Variants in MYRFL observed in about 807,000 individuals in gnomAD.
The protein encoded by MYRFL is myelin regulatory factor like.
MYRFL carries 88 observed loss-of-function variants against 109.4 expected under a neutral mutation model. The ratio of observed to expected loss-of-function variants is 0.80; its 90% CI spans 0.68 to 0.96. The LOEUF is 0.96. Among genes scored for constraint, MYRFL ranks in the 40% least tolerant of loss-of-function variants. The probability of loss-of-function intolerance (pLI) is 0.00; values close to 1 mark genes in which losing one functional copy is unlikely to be tolerated. For synonymous variants in MYRFL, 324 were observed against 320.9 expected (o/e 1.01, Z -0.10); for missense variants, 957 against 954.9 (o/e 1.00, Z -0.03).
Position 69,947,745 on chromosome 12 carries a change from G to A in MYRFL, c.2225-4368G>A, listed in dbSNP as rs560472604. On this transcript the variant is annotated intron_variant, in intron 19 of 24. Transcript: ENST00000552032. ...AAAAGTGAATGGCCAGAAGAAAATG[G>A]TCCCCCATTTTAAAGAACTCAGCCA... Among the ~76,000 whole-genome samples, 19 of 152,196 alleles carry A rather than the reference G, an allele frequency of 1.2e-4. No individual in the cohort carries two copies. The South Asian group carries it at 3.7e-3, about 30-fold the overall frequency.
chr12:69,926,076 ACAT>A (rs35694992), intron 13 of MYRFL, among the ~76,000 whole-genome samples: 96,365 of 141,014 alleles, frequency 0.68, 33,043 homozygotes, highest in East Asian at 0.99. Flanking sequence ...AGACAATTCA[ACAT>A]CATTCAGAAG....
chr12:69,860,248 A>G (rs940789228), intron 2 of MYRFL, among the ~76,000 whole-genome samples: 1 of 151,696 alleles, frequency 6.6e-6, no homozygotes, highest in East Asian at 1.9e-4. Flanking sequence ...ATGACTTCCA[A>G]CTCCATCCAT....
intron 1 of MYRFL, among the ~76,000 whole-genome samples, chr12:69,849,852 G>A (rs1235117036): frequency 1.3e-5 from 2 of 152,182 alleles, no homozygotes; most frequent in Non-Finnish European, 2.9e-5. Context: ...TCTAACCAGT[G>A]TTAATGGTGG....
chr12:69,873,347 G>A (rs959079411), intron 2 of MYRFL, among the ~76,000 whole-genome samples: 5 of 152,146 alleles, frequency 3.3e-5, no homozygotes, highest in African/African-American at 4.8e-5. Context: ...GCCCACGGGT[G>A]GCGGGTTGGA....
rs755639968 is a variant in MYRFL at position 69,955,395 on chromosome 12, A to AT, written c.2409dup (p.Lys804Ter). ...AATTATAATTACAATATTCCTGTTA[A>AT]TAAACACACACCCACCAATGTCAAG... On this transcript the variant is annotated frameshift_variant, in exon 22 of 25. Transcript: ENST00000552032. LOFTEE classifies it high-confidence loss of function. 1.5e-6 allele frequency: 1 copy of AT among 663,274 alleles called. No homozygotes were observed. Among genetic ancestry groups the AT allele is most frequent in the South Asian group, 1.7e-5 (1 of 58,840 alleles). The allele number at this position is 663,274 out of a possible 1,614,324, so 41.1% of individuals were successfully genotyped here. A position where few individuals can be genotyped will look rare whatever the true frequency, so the allele number is the denominator to read the frequency against.
At chr12:69,931,889 G>A (rs1152958) in intron 15 of MYRFL, among the ~76,000 whole-genome samples, 39,581 of 152,008 alleles carry the variant, frequency 0.26, 5,403 homozygotes, top group Non-Finnish European at 0.32. Flanking sequence ...ATAATTTACT[G>A]ATTTTCATGT....
intron 2 of MYRFL, among the ~76,000 whole-genome samples, chr12:69,870,024 T>C (rs1259757128): frequency 6.6e-6 from 1 of 151,878 alleles, no homozygotes; most frequent in Non-Finnish European, 1.5e-5. Context: ...ACAAGTTGTA[T>C]GTCTGAGAGG....
At position 69,886,904 on chromosome 12, in the gene MYRFL, C is replaced by T. The variant is rs1886491183; in HGVS notation, c.641C>T (p.Ala214Val). The change falls in exon 6 of 25, where the codon GCT becomes GTT. Residue 214 changes from alanine (A) to valine (V), a missense_variant. Ala to Val is a moderately conservative substitution (Grantham distance 64). Transcript: ENST00000552032. Reference protein sequence around the residue: ...NRMPTDQCSPALKWQPCHSVP... With the variant: ...NRMPTDQCSPVLKWQPCHSVP... ...ATGCCTACAGACCAGTGCTCTCCTGCTCTGAAGTGGCAACCATGCCATAGT... is the reference window on the plus strand; with the variant it reads ...ATGCCTACAGACCAGTGCTCTCCTGTTCTGAAGTGGCAACCATGCCATAGT... 1 of 1,535,892 alleles carries T rather than the reference C, an allele frequency of 6.5e-7. No individual in the cohort carries two copies. Among genetic ancestry groups the T allele is most frequent in the Non-Finnish European group, 8.7e-7 (1 of 1,146,708 alleles).
At chr12:69,875,204 T>C (rs893832733) in intron 2 of MYRFL, among the ~76,000 whole-genome samples, 2 of 151,644 alleles carry the variant, frequency 1.3e-5, no homozygotes, top group Admixed American at 1.3e-4. Context: ...TTCATTTTTT[T>C]CCTCTCTGTT....
chr12:69,829,380 G>C (rs1882480506), intron 1 of MYRFL, among the ~76,000 whole-genome samples: 1 of 152,088 alleles, frequency 6.6e-6, no homozygotes, highest in Non-Finnish European at 1.5e-5. Context: ...CCATGTTCAG[G>C]AAAATGGGGG....
intron 13 of MYRFL, among the ~76,000 whole-genome samples, chr12:69,918,103 T>A (rs1954803896): frequency 6.6e-6 from 1 of 152,182 alleles, no homozygotes; most frequent in African/African-American, 2.4e-5. Flanking sequence ...CATTTCAGAT[T>A]TGTTCCCTAC....
chr12:69,880,619 G>GTGTGCCCATTGCAT (rs1207952028), intron 5 of MYRFL, among the ~76,000 whole-genome samples: 2 of 152,246 alleles, frequency 1.3e-5, no homozygotes, highest in Non-Finnish European at 1.5e-5. Flanking sequence ...GAGCCTGCTG[G>GTGTGCCCATTGCAT]TGTGCCCATT....
intron 1 of MYRFL, among the ~76,000 whole-genome samples, chr12:69,840,474 C>T (rs191127485): frequency 1.3e-5 from 2 of 152,248 alleles, no homozygotes; most frequent in Middle Eastern, 3.4e-3. Flanking sequence ...TCAAAAGCTC[C>T]TTCCAAATGT....
chr12:69,881,513 C>A (rs1037968248), intron 5 of MYRFL, among the ~76,000 whole-genome samples: 2 of 152,192 alleles, frequency 1.3e-5, no homozygotes, highest in Non-Finnish European at 2.9e-5. Flanking sequence ...GGGCTGCTGC[C>A]TTTTCCTTTG....
At chr12:69,886,369 G>A (rs1846018060) in intron 5 of MYRFL, among the ~76,000 whole-genome samples, 1 of 152,108 alleles carries the variant, frequency 6.6e-6, no homozygotes, top group Non-Finnish European at 1.5e-5. Context: ...TCATGGAGAA[G>A]AGTGAGCATC....
At chr12:69,901,680 A>C (rs1188070933) in intron 10 of MYRFL, among the ~76,000 whole-genome samples, 1 of 152,188 alleles carries the variant, frequency 6.6e-6, no homozygotes, top group African/African-American at 2.4e-5. Flanking sequence ...CTTATATGGC[A>C]TACCTTTGGA....
chr12:69,957,150 GAGA>G (rs1410705992), intron 22 of MYRFL, among the ~76,000 whole-genome samples: 1 of 152,202 alleles, frequency 6.6e-6, no homozygotes, highest in Admixed American at 6.5e-5. Flanking sequence ...CCAACCTCCA[GAGA>G]AGAAGAACCG....
At chr12:69,958,164 G>A in intron 23 of MYRFL, 85 bp from the exon 24 acceptor site, 2 of 1,268,262 alleles carry the variant, frequency 1.6e-6, no homozygotes, top group Non-Finnish European at 2.2e-6. Flanking sequence ...TACAGTCATT[G>A]AGGAAATGCT....
rs997163638 is a variant in MYRFL at position 69,869,369 on chromosome 12, A to C, written c.138-9659A>C. Among the ~76,000 whole-genome samples, 5 of 152,280 alleles carry C rather than the reference A, an allele frequency of 3.3e-5. 1 individual carries two copies. Among genetic ancestry groups the C allele is most frequent in the South Asian group, 4.1e-4 (2 of 4,826 alleles). On this transcript the variant is annotated intron_variant, in intron 2 of 24. Transcript: ENST00000552032. The stretch of plus-strand genomic sequence containing the variant: ...TGGGGTGAGCAATTCCCATCCCCTC[A>C]TCCTTGGCACACCATTACTGTCATG...
Sources: allele counts gnomAD v4.1 joint callset (sites outside exome capture counted in the v4.1 genomes callset), GRCh38; gene constraint gnomAD v4.1.1; transcripts MANE v1.5; gene names NCBI Gene and HGNC (gene_info 2026-07-23, HGNC 2026-07-21).